Variants in ENAH observed in about 807,000 individuals in gnomAD.
The protein encoded by ENAH is ENAH actin regulator, also known as protein enabled homolog.
ENAH carries 23 observed loss-of-function variants against 78.7 expected under a neutral mutation model. That is an observed-to-expected ratio of 0.29 (90% confidence interval 0.21 to 0.41). ENAH has a LOEUF of 0.41. Ranked by LOEUF, ENAH falls within the 10% of genes least tolerant of loss-of-function variation. ENAH has a pLI of 1.00. For missense variants in ENAH, 544 were observed against 691.0 expected, an observed-to-expected ratio of 0.79 and a Z score of 2.39; for synonymous variants, 226 against 241.0, an observed-to-expected ratio of 0.94 and a Z score of 0.58.
chr1:225,561,828 C>T (rs2096707704), intron 2 of ENAH, among the ~76,000 whole-genome samples: 1 of 151,982 alleles, frequency 6.6e-6, no homozygotes, highest in Admixed American at 6.6e-5. Context: ...CTGACCATAA[C>T]AGAGTAAACA....
At chr1:225,646,242 A>G (rs1237682980) in intron 1 of ENAH, among the ~76,000 whole-genome samples, 1 of 152,036 alleles carries the variant, frequency 6.6e-6, no homozygotes, top group Non-Finnish European at 1.5e-5. Context: ...TAATACCCTA[A>G]CCCTCAATGT....
intron 5 of ENAH, chr1:225,517,901 T>G: frequency 1.9e-6 from 3 of 1,551,042 alleles, no homozygotes; most frequent in Admixed American, 2.0e-5. Context: ...GAGATGACTT[T>G]AGCGTATGAT....
intron 5 of ENAH, chr1:225,517,827 T>C: frequency 6.5e-7 from 1 of 1,549,506 alleles, no homozygotes; most frequent in Non-Finnish European, 8.7e-7. Context: ...GTGTAGGGGG[T>C]GTGGAAGTAG....
In ENAH at chr1:225,519,261, G is replaced by C; in HGVS notation, c.739C>G (p.Arg247Gly). ...RLERERQERE[R>G]QEQLEREQLE... is the part of the protein sequence containing the mutation. ...TGTTCCCTTTCTAACTGCTCTTGTC[G>C]CTCCCTTTCTTGCCTCTCCCGTTCC... Residue 247 changes from arginine to glycine, a missense_variant, in exon 5 of 14, where the codon CGA becomes GGA. Around this residue, in one of 4 missense-constraint regions of ENAH, gnomAD observed 366 missense variants for 396.1 expected, o/e 0.92. Transcript: ENST00000366843. 6.2e-7 allele frequency: 1 copy of C among 1,613,998 alleles called. No individual in the cohort carries two copies. Among genetic ancestry groups the C allele is most frequent in the African/African-American group, 1.3e-5 (1 of 74,950 alleles).
intron 2 of ENAH, among the ~76,000 whole-genome samples, chr1:225,563,927 T>C (rs2096721462): frequency 6.6e-6 from 1 of 152,244 alleles, no homozygotes; most frequent in Admixed American, 6.5e-5. Context: ...TATTTCATGA[T>C]TGTAGGTCTA....
At chr1:225,501,284 G>C in intron 11 of ENAH, 1 of 460,902 alleles carries the variant, frequency 2.2e-6, no homozygotes, top group Non-Finnish European at 3.8e-6. Context: ...AAAGGAACTA[G>C]AAAAAGGTGA....
At chr1:225,559,394 T>C (rs560356009) in intron 2 of ENAH, among the ~76,000 whole-genome samples, 1 of 152,356 alleles carries the variant, frequency 6.6e-6, no homozygotes, top group East Asian at 1.9e-4. Flanking sequence ...GTGGTATATA[T>C]GTCAATTAGG....
chr1:225,523,395 G>A (rs979090097), intron 4 of ENAH, among the ~76,000 whole-genome samples: 6 of 151,836 alleles, frequency 4.0e-5, no homozygotes, highest in African/African-American at 1.5e-4. Context: ...GACTTAAGAA[G>A]TTTGTTCCAC....
chr1:225,594,438 A>G (rs1401963612), intron 1 of ENAH, among the ~76,000 whole-genome samples: 5 of 152,118 alleles, frequency 3.3e-5, no homozygotes, highest in South Asian at 4.1e-4. Flanking sequence ...TTACTGCTCA[A>G]TTGTATCTCC....
At chr1:225,551,341 G>A (rs1250989634) in intron 3 of ENAH, among the ~76,000 whole-genome samples, 2 of 151,952 alleles carry the variant, frequency 1.3e-5, no homozygotes, top group Non-Finnish European at 2.9e-5. Flanking sequence ...TTAAAAAAAG[G>A]AAATATCACA....
intron 3 of ENAH, among the ~76,000 whole-genome samples, chr1:225,548,610 T>C (rs1007931639): frequency 2.6e-5 from 4 of 152,224 alleles, no homozygotes; most frequent in African/African-American, 7.2e-5. Flanking sequence ...CAATCCCCTT[T>C]GTGCCTCCCT....
chr1:225,615,037 G>GGTCTCC (rs1558911030), intron 1 of ENAH, among the ~76,000 whole-genome samples: 1 of 127,684 alleles, frequency 7.8e-6, no homozygotes, highest in Admixed American at 7.6e-5. Context: ...CCCTCTCCCC[G>GGTCTCC]GTCTCCCTCT....
intron 3 of ENAH, chr1:225,535,610 C>CA (rs1302829508): frequency 8.8e-7 from 1 of 1,134,462 alleles, no homozygotes; most frequent in Non-Finnish European, 1.2e-6. Context: ...ACAACGGGGC[C>CA]ATCTGAAGAA....
chr1:225,617,875 T>G (rs952070733), intron 1 of ENAH, among the ~76,000 whole-genome samples: 4 of 152,194 alleles, frequency 2.6e-5, no homozygotes, highest in African/African-American at 9.7e-5. Flanking sequence ...AATTTTGAAC[T>G]GAAAGGTTCT....
intron 8 of ENAH, 36 bp from the exon 9 acceptor site, chr1:225,512,750 AT>A (rs1296573636): frequency 2.7e-5 from 44 of 1,611,538 alleles, no homozygotes; most frequent in Non-Finnish European, 3.6e-5. Context: ...TAAAAATATT[AT>A]CTGATTCAGT....
In ENAH at chr1:225,508,034, C is replaced by A; in HGVS notation, c.1472-17G>T. 1 of 1,485,790 alleles carries A rather than the reference C, an allele frequency of 6.7e-7. No individual in the cohort carries two copies. The highest frequency in any genetic ancestry group is 9.0e-7 in the Non-Finnish European group (1 of 1,107,354). 92.0% of individuals were successfully genotyped at this position (1,485,790 alleles called of 1,614,324 possible). On this transcript the variant is annotated splice_polypyrimidine_tract_variant and intron_variant, in intron 10 of 13. Transcript: ENST00000366843. ...TTGTTGGTTCTTTAAAAATAAAAAA[C>A]AAAAGCTATTAAATAAATAAATGCT...
At chr1:225,601,112 G>A (rs924119739) in intron 1 of ENAH, among the ~76,000 whole-genome samples, 1 of 152,060 alleles carries the variant, frequency 6.6e-6, no homozygotes, top group African/African-American at 2.4e-5. Context: ...ACAATTAACA[G>A]AACTGTCAGA....
chr1:225,621,726 A>G (rs1286421496), intron 1 of ENAH, among the ~76,000 whole-genome samples: 1 of 152,180 alleles, frequency 6.6e-6, no homozygotes, highest in Non-Finnish European at 1.5e-5. Context: ...CACCTGCTAC[A>G]TGGACCTCTA....
chr1:225,502,769 G>C (rs2096290760), intron 11 of ENAH, among the ~76,000 whole-genome samples: 2 of 152,130 alleles, frequency 1.3e-5, no homozygotes, highest in South Asian at 4.1e-4. Context: ...GATTTACTTA[G>C]ATCCATAAAA....
Sources: allele counts gnomAD v4.1 joint callset (sites outside exome capture counted in the v4.1 genomes callset), GRCh38; gene constraint gnomAD v4.1.1; regional missense constraint gnomAD v4.1.1; transcripts MANE v1.5; gene names NCBI Gene and HGNC (gene_info 2026-07-23, HGNC 2026-07-21).